OGDH: variants seen among roughly 807,000 people sequenced by gnomAD.
OGDH encodes the protein 2-oxoglutarate dehydrogenase complex component E1.
OGDH carries 38 observed loss-of-function variants against 116.6 expected under a neutral mutation model. The observed-to-expected ratio is 0.33, with a 90% CI of 0.25 to 0.43. The LOEUF (loss-of-function observed/expected upper bound fraction) is 0.43. Ranked by LOEUF, OGDH falls within the 20% of genes least tolerant of loss-of-function variation. The probability of loss-of-function intolerance (pLI) is 1.00; values close to 1 mark genes in which losing one functional copy is unlikely to be tolerated. For missense variants in OGDH, 825 were observed against 1,357.2 expected, an observed-to-expected ratio of 0.61 and a Z score of 6.16; for synonymous variants, 488 against 533.3, an observed-to-expected ratio of 0.92 and a Z score of 1.17.
intron 10 of OGDH, among the ~76,000 whole-genome samples, chr7:44,686,307 A>G (rs1055593739): frequency 1.2e-4 from 18 of 152,174 alleles, no homozygotes; most frequent in African/African-American, 4.1e-4. Flanking sequence ...GTCCCTTACC[A>G]TGGCTAGGGG....
chr7:44,630,022 G>T (rs945191836), intron 2 of OGDH, among the ~76,000 whole-genome samples: 4 of 152,168 alleles, frequency 2.6e-5, no homozygotes, highest in Admixed American at 2.6e-4. Context: ...GCTGAGTCTG[G>T]CATCGCTGCT....
intron 1 of OGDH, among the ~76,000 whole-genome samples, chr7:44,611,759 G>T (rs1784576793): frequency 6.6e-6 from 1 of 151,446 alleles, no homozygotes. Context: ...GATTCATTTA[G>T]ACTTAATTTC....
intron 2 of OGDH, among the ~76,000 whole-genome samples, chr7:44,626,466 A>G (rs1242604711): frequency 1.3e-5 from 2 of 152,142 alleles, no homozygotes; most frequent in African/African-American, 4.8e-5. Context: ...TTTCTCAAAC[A>G]TAACCTTTTC....
At chr7:44,696,595 C>T in intron 14 of OGDH, 38 bp downstream of exon 14, 1 of 1,612,988 alleles carries the variant, frequency 6.2e-7, no homozygotes, top group Admixed American at 1.7e-5. Context: ...AATGTTGGGG[C>T]CCAGGCCAGG....
intron 20 of OGDH, among the ~76,000 whole-genome samples, chr7:44,705,702 C>G (rs1222176351): frequency 1.3e-5 from 2 of 152,086 alleles, no homozygotes; most frequent in Non-Finnish European, 2.9e-5. Flanking sequence ...TGTGCCCAGA[C>G]TTTTATTCTG....
intron 1 of OGDH, among the ~76,000 whole-genome samples, chr7:44,613,802 CTTTT>C (rs11397029): frequency 9.4e-6 from 1 of 106,354 alleles, no homozygotes; most frequent in African/African-American, 3.7e-5. Flanking sequence ...AGCCACCTGG[CTTTT>C]TTTTTTTTTT....
At chr7:44,698,158 G>A in intron 17 of OGDH, 34 bp from the exon 18 acceptor site, 1 of 1,611,338 alleles carries the variant, frequency 6.2e-7, no homozygotes, top group South Asian at 1.1e-5. Context: ...GTACGCAAGA[G>A]CTCTTAAACT....
chr7:44,641,308 C>T (rs1158023486), intron 2 of OGDH, among the ~76,000 whole-genome samples: 1 of 149,950 alleles, frequency 6.7e-6, no homozygotes, highest in South Asian at 2.1e-4. Flanking sequence ...TCACTGCAAC[C>T]TCTGCCTCCC....
At chr7:44,660,933 C>A (rs752156974) in intron 4 of OGDH, among the ~76,000 whole-genome samples, 6 of 151,170 alleles carry the variant, frequency 4.0e-5, no homozygotes, top group African/African-American at 1.5e-4. Context: ...TACACACACA[C>A]GCGCGTGTGC....
intron 1 of OGDH, among the ~76,000 whole-genome samples, chr7:44,610,763 C>T (rs1054563016): frequency 2.0e-5 from 3 of 152,062 alleles, no homozygotes; most frequent in African/African-American, 7.2e-5. Flanking sequence ...CGTGCCACCA[C>T]GCCCGGCTAA....
Position 44,700,284 on chromosome 7 carries a change from C to G in OGDH, c.2559+15C>G. 3 of 1,613,752 alleles carry G rather than the reference C, an allele frequency of 1.9e-6. No homozygotes were observed. The highest frequency in any genetic ancestry group is 2.5e-6 in the Non-Finnish European group (3 of 1,179,812). ...TCCGGAAGCCGGTCAGTGGCAGGGC[C>G]TCCCTTGCTCAAACGAGGCCTGGCC... On this transcript the variant is annotated intron_variant, in intron 19 of 22. Transcript: ENST00000222673.
At chr7:44,641,225 C>CTTTTTTTTTTTTTTTTT (rs1175522868) in intron 2 of OGDH, among the ~76,000 whole-genome samples, 10 of 81,644 alleles carry the variant, frequency 1.2e-4, no homozygotes, top group Non-Finnish European at 1.9e-4. Flanking sequence ...TTTTTTTTTT[C>CTTTTTTTTTTTTTTTTT]TTTTTTTTTT....
intron 20 of OGDH, among the ~76,000 whole-genome samples, chr7:44,705,246 G>T (rs899987106): frequency 1.4e-5 from 2 of 145,422 alleles, no homozygotes; most frequent in African/African-American, 5.2e-5. Context: ...TAGAGACGGG[G>T]TTTCACCGTT....
chr7:44,670,330 G>A lies in OGDH; in HGVS notation c.634-3457G>A, dbSNP rs527764291. ...AATTGGAAACAGCAGTAGTGATGAA[G>A]GGAAGAGTCCTTCCCTCACAGCACC... On this transcript the variant is annotated intron_variant, in intron 5 of 22. Coordinates refer to ENST00000222673, the MANE Select transcript of OGDH (RefSeq NM_002541.4). Among the ~76,000 whole-genome samples, 8 of 152,256 alleles carry A rather than the reference G, an allele frequency of 5.3e-5. No individual in the cohort carries two copies. The East Asian group carries it at 1.5e-3, about 29-fold the overall frequency.
chr7:44,674,705 C>CT, intron 7 of OGDH, 148 bp downstream of exon 7: 1 of 824,320 alleles, frequency 1.2e-6, no homozygotes, highest in Non-Finnish European at 1.9e-6. Context: ...GGGTGTATTG[C>CT]TTTGCAGGGG....
At chr7:44,664,756 C>G (rs1399540804) in intron 4 of OGDH, among the ~76,000 whole-genome samples, 2 of 152,156 alleles carry the variant, frequency 1.3e-5, no homozygotes, top group East Asian at 1.9e-4. Context: ...GTGTACTCCG[C>G]TTTCACAAAG....
rs767046387 is a variant in OGDH at position 44,698,215 on chromosome 7, C to G, written c.2382C>G (p.Arg794=). The G allele has an allele frequency of 4.3e-6, 7 of 1,614,210 alleles. No homozygotes were observed. Among genetic ancestry groups the G allele is most frequent in the South Asian group, 1.1e-5 (1 of 91,082 alleles). ...EGMGPEHSSA[R]PERFLQMCND... ...AGGGTCCAGAACATTCCTCCGCCCG[C>G]CCAGAGCGGTTCTTGCAGATGTGCA... Residue 794 remains arginine (R), a synonymous_variant, in exon 18 of 23, where the codon CGC becomes CGG. Transcript: ENST00000222673.
chr7:44,665,105 T>G lies in OGDH; in HGVS notation c.518-1631T>G, dbSNP rs980735037. On this transcript the variant is annotated intron_variant, in intron 4 of 22. Coordinates refer to ENST00000222673, the MANE Select transcript of OGDH (RefSeq NM_002541.4). ...TCAGGAAAAATTTCTCAAAGATGATTCTGTTTTTCCTCCATAAATACTATA... is the reference window on the plus strand; with the variant it reads ...TCAGGAAAAATTTCTCAAAGATGATGCTGTTTTTCCTCCATAAATACTATA... 2.2e-4 allele frequency among the ~76,000 whole-genome samples: 33 copies of G among 152,292 alleles called. 1 individual carries two copies. Among genetic ancestry groups the G allele is most frequent in the African/African-American group, 7.5e-4 (31 of 41,564 alleles).
intron 4 of OGDH, 185 bp from the exon 5 acceptor site, chr7:44,666,551 T>A (rs1787191667): frequency 2.7e-6 from 1 of 367,378 alleles, no homozygotes; most frequent in Non-Finnish European, 4.9e-6. Context: ...TATTTATTGC[T>A]AAAGTTTGTG....
Sources: allele counts gnomAD v4.1 joint callset (sites outside exome capture counted in the v4.1 genomes callset), GRCh38; gene constraint gnomAD v4.1.1; transcripts MANE v1.5; gene names NCBI Gene and HGNC (gene_info 2026-07-23, HGNC 2026-07-21).